The following ZNF492 variants were observed in gnomAD, a reference collection of about 807,000 sequenced individuals.
ZNF492 encodes the protein zinc finger protein 492.
A neutral mutation model predicts 6.4 loss-of-function variants in ZNF492; 3 were observed. The observed-to-expected ratio is 0.47, with a 90% confidence interval of 0.21 to 1.22. ZNF492 has a LOEUF of 1.22. Among genes scored for constraint, ZNF492 ranks in the 50% most tolerant of loss-of-function variants. ZNF492 has a pLI of 0.22. For synonymous variants in ZNF492, 112 were observed against 205.3 expected (o/e 0.55, Z 3.89); for missense variants, 356 against 612.5 (o/e 0.58, Z 4.42).
chr19:22,653,597 C>T (rs2915941), intron 2 of ZNF492, among the ~76,000 whole-genome samples, 164 bp downstream of exon 2: 148 of 151,830 alleles, frequency 9.7e-4, no homozygotes, highest in Non-Finnish European at 1.8e-3. Flanking sequence ...TTCATTTTGA[C>T]CTGAACTTTC....
intron 1 of ZNF492, among the ~76,000 whole-genome samples, chr19:22,651,817 G>A (rs1041862732): frequency 2.0e-5 from 3 of 151,456 alleles, no homozygotes; most frequent in African/African-American, 7.3e-5. Flanking sequence ...TTATTTAAAT[G>A]GGATGGCATT....
At chr19:22,634,528 G>T (rs1971740129) in intron 1 of ZNF492, 54 bp downstream of exon 1, 1 of 1,357,366 alleles carries the variant, frequency 7.4e-7, no homozygotes, top group Non-Finnish European at 1.0e-6. Flanking sequence ...GGTTGGAACC[G>T]GTGGCAAGAG....
At chr19:22,657,855 C>T (rs1972012797) in intron 3 of ZNF492, among the ~76,000 whole-genome samples, 3 of 151,768 alleles carry the variant, frequency 2.0e-5, no homozygotes, top group Admixed American at 2.0e-4. Flanking sequence ...TAAATATGAC[C>T]CCAATTTTGG....
At chr19:22,655,852 TCTCA>T (rs1487033165) in intron 3 of ZNF492, among the ~76,000 whole-genome samples, 3 of 133,276 alleles carry the variant, frequency 2.3e-5, no homozygotes, top group African/African-American at 9.0e-5. Flanking sequence ...TGAGACAGCG[TCTCA>T]CTCTGTCGCT....
intron 1 of ZNF492, among the ~76,000 whole-genome samples, chr19:22,642,927 T>G (rs1314307918): frequency 3.3e-5 from 5 of 152,170 alleles, no homozygotes; most frequent in Non-Finnish European, 7.3e-5. Flanking sequence ...TGACAGAAAC[T>G]TGATTATCCA....
At chr19:22,663,681 GT>G (rs1568357559) in intron 3 of ZNF492, 118 bp from the exon 4 acceptor site, 1 of 872,112 alleles carries the variant, frequency 1.1e-6, no homozygotes, top group Admixed American at 3.5e-5. Flanking sequence ...ATGTTAGAGC[GT>G]GTAATATTTT....
intron 3 of ZNF492, among the ~76,000 whole-genome samples, chr19:22,654,627 A>T: frequency 1.4e-5 from 2 of 143,538 alleles, no homozygotes; most frequent in African/African-American, 5.2e-5. Context: ...TTTGAGATAG[A>T]GTCTCGCTCT....
chr19:22,655,813 GTTGTTTTTTTTTTT>G (rs1220222671), intron 3 of ZNF492, among the ~76,000 whole-genome samples: 1 of 64,908 alleles, frequency 1.5e-5, no homozygotes. Context: ...AGTTTTTCTT[GTTGTTTTTTTTTTT>G]TTTTTTTTTT....
rs1186798687 is a variant in ZNF492 at position 22,634,376 on chromosome 19, T to C, written c.-192T>C. 1.1e-5 allele frequency: 13 copies of C among 1,211,564 alleles called. No individual in the cohort carries two copies. The Admixed American group carries it at 1.9e-4, about 18-fold the overall frequency. 75.1% of individuals were successfully genotyped at this position (1,211,564 alleles called of 1,614,324 possible). On this transcript the variant is annotated 5_prime_UTR_variant, in exon 1 of 4. Coordinates refer to ENST00000456783, the MANE Select transcript of ZNF492 (RefSeq NM_020855.3). ...ATGGTCTAGTGTTCGCTGTTCTGCGTCCTCTGGTCCTAGAGGCCCATCCTC... is the reference window on the plus strand; with the variant it reads ...ATGGTCTAGTGTTCGCTGTTCTGCGCCCTCTGGTCCTAGAGGCCCATCCTC...
At chr19:22,651,014 G>T (rs1426405706) in intron 1 of ZNF492, among the ~76,000 whole-genome samples, 1 of 152,194 alleles carries the variant, frequency 6.6e-6, no homozygotes, top group Non-Finnish European at 1.5e-5. Flanking sequence ...CAGCTCTGGG[G>T]TTGGGATCCT....
rs1971942823 is a variant in ZNF492, at chr19:22,651,847, A to AAACAAT, written c.-93-1458_-93-1457insCAATAA. 2.6e-5 allele frequency among the ~76,000 whole-genome samples: 4 copies of AAACAAT among 151,960 alleles called. No homozygotes were observed. In the South Asian group the frequency reaches 8.3e-4, roughly 32 times the overall value. On this transcript the variant is annotated intron_variant, in intron 1 of 3. Coordinates refer to ENST00000456783, the MANE Select transcript of ZNF492 (RefSeq NM_020855.3). The stretch of plus-strand genomic sequence containing the variant: ...GGCATTTATTACGCAGAAAGTTTAA[A>AAACAAT]AATAATAATAATTAGGAGATACTTG...
At chr19:22,643,942 A>G (rs1331441982) in intron 1 of ZNF492, among the ~76,000 whole-genome samples, 1 of 152,166 alleles carries the variant, frequency 6.6e-6, no homozygotes, top group Non-Finnish European at 1.5e-5. Flanking sequence ...TTACTGTAGC[A>G]GAAATTGCTG....
At chr19:22,638,484 T>C (rs1971790250) in intron 1 of ZNF492, among the ~76,000 whole-genome samples, 1 of 152,130 alleles carries the variant, frequency 6.6e-6, no homozygotes, top group African/African-American at 2.4e-5. Flanking sequence ...TCTTTCCAGA[T>C]TCCTGTTGTT....
At chr19:22,655,885 C>T (rs374790029) in intron 3 of ZNF492, among the ~76,000 whole-genome samples, 1 of 127,388 alleles carries the variant, frequency 7.9e-6, no homozygotes, top group Non-Finnish European at 1.5e-5. Context: ...AGTGCAGTGG[C>T]GCGGCCTCGG....
At chr19:22,643,470 C>G (rs1003050509) in intron 1 of ZNF492, among the ~76,000 whole-genome samples, 1 of 152,124 alleles carries the variant, frequency 6.6e-6, no homozygotes, top group Non-Finnish European at 1.5e-5. Context: ...GCTGTGCCTG[C>G]TTTCTCTAAC....
Position 22,665,065 on chromosome 19 carries a change from A to G in ZNF492, c.1396A>G (p.Thr466Ala), listed in dbSNP as rs1332211746. ...KAFNQSSHLT[T>A]HKMIHTGEKP... ...TTTTAACCAGTCCTCACACCTTACT[A>G]CACATAAGATGATTCATACTGGAGA... The change falls in exon 4 of 4, where the codon ACA (threonine) becomes GCA (alanine). Residue 466 changes from threonine (T) to alanine (A), a missense_variant. By Grantham distance (58) the Thr-to-Ala change is moderately conservative. Transcript: ENST00000456783. 10 of 1,607,296 alleles carry G rather than the reference A, an allele frequency of 6.2e-6. No individual in the cohort carries two copies. The highest frequency in any genetic ancestry group is 2.2e-5 in the East Asian group (1 of 44,724).
At chr19:22,648,014 G>A (rs1227571120) in intron 1 of ZNF492, among the ~76,000 whole-genome samples, 10 of 152,070 alleles carry the variant, frequency 6.6e-5, no homozygotes, top group East Asian at 1.9e-4. Context: ...GATTACAGGC[G>A]TGAGTCACCG....
intron 3 of ZNF492, among the ~76,000 whole-genome samples, chr19:22,656,333 A>G (rs956389657): frequency 6.6e-6 from 1 of 150,566 alleles, no homozygotes; most frequent in African/African-American, 2.5e-5. Flanking sequence ...CAGAGTGAGT[A>G]TCCTTCAGGA....
chr19:22,660,235 C>T (rs1419441600), intron 3 of ZNF492, among the ~76,000 whole-genome samples: 2 of 151,924 alleles, frequency 1.3e-5, no homozygotes, highest in Non-Finnish European at 2.9e-5. Flanking sequence ...AAGTATGTCT[C>T]GATTTGAAAG....
Sources: allele counts gnomAD v4.1 joint callset (sites outside exome capture counted in the v4.1 genomes callset), GRCh38; gene constraint gnomAD v4.1.1; transcripts MANE v1.5; gene names NCBI Gene and HGNC (gene_info 2026-07-23, HGNC 2026-07-21).